The following TSNARE1 variants were observed in gnomAD, a reference collection of about 807,000 sequenced individuals.
TSNARE1 encodes t-SNARE domain-containing protein 1.
Under a neutral mutation model 62.0 loss-of-function variants are expected in TSNARE1, and 49 were observed. That is an observed-to-expected ratio of 0.79 (90% CI 0.63 to 1.00). The LOEUF is 1.00. Among genes scored for constraint, TSNARE1 ranks in the 50% least tolerant of loss-of-function variants. The probability of loss-of-function intolerance (pLI) is 0.00; values close to 1 mark genes in which losing one functional copy is unlikely to be tolerated. For missense variants in TSNARE1, 755 were observed against 700.1 expected (o/e 1.08, Z -0.88); for synonymous variants, 328 against 294.4 (o/e 1.11, Z -1.17).
chr8:142,237,898 C>T (rs1348253138), intron 12 of TSNARE1, among the ~76,000 whole-genome samples: 1 of 152,140 alleles, frequency 6.6e-6, no homozygotes, highest in Non-Finnish European at 1.5e-5. Context: ...CTTAGAGAAG[C>T]GTCGGGTTGG....
intron 4 of TSNARE1, among the ~76,000 whole-genome samples, chr8:142,334,503 G>A (rs923889532): frequency 6.6e-6 from 1 of 150,502 alleles, no homozygotes; most frequent in South Asian, 2.1e-4. Context: ...GCAGCAGGGG[G>A]GACGGGACAC....
At chr8:142,259,487 A>T (rs1454361381) in intron 12 of TSNARE1, among the ~76,000 whole-genome samples, 2 of 152,186 alleles carry the variant, frequency 1.3e-5, no homozygotes, top group Non-Finnish European at 2.9e-5. Context: ...ATTCACATTT[A>T]CATTTCTCAG....
chr8:142,334,380 G>A (rs1350895912), intron 4 of TSNARE1, among the ~76,000 whole-genome samples: 1 of 151,900 alleles, frequency 6.6e-6, no homozygotes, highest in Non-Finnish European at 1.5e-5. Context: ...AACAAGCTCT[G>A]ACAGGAGCAC....
intron 1 of TSNARE1, among the ~76,000 whole-genome samples, chr8:142,367,665 CG>C (rs953414597): frequency 2.0e-5 from 3 of 152,102 alleles, no homozygotes; most frequent in African/African-American, 7.2e-5. Context: ...CACTTCAAAA[CG>C]GTGAACTTTA....
chr8:142,350,905 A>C (rs575201682), intron 2 of TSNARE1, among the ~76,000 whole-genome samples: 1 of 152,344 alleles, frequency 6.6e-6, no homozygotes, highest in African/African-American at 2.4e-5. Flanking sequence ...GTAACACGGG[A>C]TCTCGGGAGG....
intron 13 of TSNARE1, among the ~76,000 whole-genome samples, chr8:142,220,099 TGCAGGGTAACAGTAAC>T (rs1220520125): frequency 6.6e-6 from 1 of 152,168 alleles, no homozygotes; most frequent in East Asian, 1.9e-4. Flanking sequence ...GCAGAGTGCC[TGCAGGGTAACAGTAAC>T]GCAGCCCGCA....
intron 12 of TSNARE1, among the ~76,000 whole-genome samples, chr8:142,257,703 G>A (rs560516531): frequency 3.9e-5 from 6 of 152,150 alleles, no homozygotes; most frequent in East Asian, 1.9e-4. Context: ...AAAGATCCCC[G>A]CGATGACCCA....
intron 1 of TSNARE1, among the ~76,000 whole-genome samples, chr8:142,391,069 G>C (rs1390805488): frequency 4.1e-5 from 6 of 145,834 alleles, no homozygotes; most frequent in Non-Finnish European, 7.5e-5. Flanking sequence ...GTACACTGCG[G>C]GGGACTCTAA....
intron 1 of TSNARE1, among the ~76,000 whole-genome samples, chr8:142,383,114 C>T (rs187409825): frequency 2.6e-5 from 4 of 152,144 alleles, no homozygotes; most frequent in East Asian, 3.9e-4. Flanking sequence ...AGAAGAGCCC[C>T]GTCATGCAGG....
intron 12 of TSNARE1, among the ~76,000 whole-genome samples, chr8:142,269,224 G>A (rs1819310046): frequency 1.3e-5 from 2 of 152,134 alleles, no homozygotes; most frequent in Non-Finnish European, 2.9e-5. Flanking sequence ...TCAGAATCAG[G>A]GCCAAGTCTG....
chr8:142,292,287 A>C (rs1823920107), intron 10 of TSNARE1, among the ~76,000 whole-genome samples: 1 of 152,218 alleles, frequency 6.6e-6, no homozygotes, highest in Non-Finnish European at 1.5e-5. Context: ...TCTGACCCAC[A>C]GAACCCACGA....
intron 6 of TSNARE1, among the ~76,000 whole-genome samples, chr8:142,328,667 A>G (rs1830582803): frequency 2.6e-5 from 4 of 152,216 alleles, no homozygotes; most frequent in Admixed American, 2.6e-4. Flanking sequence ...GCGCCAGCCC[A>G]CACACCATCT....
At chr8:142,267,627 C>T (rs988959003) in intron 12 of TSNARE1, among the ~76,000 whole-genome samples, 10 of 152,266 alleles carry the variant, frequency 6.6e-5, no homozygotes, top group South Asian at 4.1e-4. Context: ...TGAGGGGACC[C>T]GGGCTCTCTA....
chr8:142,218,156 G>A (rs1238993065), intron 13 of TSNARE1, among the ~76,000 whole-genome samples: 1 of 148,022 alleles, frequency 6.8e-6, no homozygotes, highest in African/African-American at 2.5e-5. Context: ...CTCAGTGTGT[G>A]GCCAGGGTCA....
intron 4 of TSNARE1, among the ~76,000 whole-genome samples, chr8:142,339,114 G>A (rs1033000686): frequency 2.6e-5 from 4 of 152,112 alleles, no homozygotes; most frequent in Non-Finnish European, 5.9e-5. Context: ...GCCCCACTCT[G>A]GGCCTCTGCA....
chr8:142,217,356 AAAGAAAGAAAGAAAGAAAAAAGG>A (rs1170236187), intron 13 of TSNARE1, among the ~76,000 whole-genome samples: 75 of 146,152 alleles, frequency 5.1e-4, no homozygotes, highest in Admixed American at 2.8e-3. Context: ...AGAAAGAAAG[AAAGAAAGAAAGAAAGAAAAAAGG>A]GAAAGAAAGA....
chr8:142,326,905 G>C (rs148384152), intron 6 of TSNARE1, among the ~76,000 whole-genome samples: 2 of 152,304 alleles, frequency 1.3e-5, no homozygotes, highest in African/African-American at 4.8e-5. Flanking sequence ...ATACAAATGA[G>C]ATCACCACAA....
intron 12 of TSNARE1, among the ~76,000 whole-genome samples, chr8:142,255,947 TC>T (rs1818486282): frequency 1.5e-4 from 1 of 6,602 alleles, no homozygotes; most frequent in Non-Finnish European, 3.6e-4. Context: ...ATCACCACCA[TC>T]ATCACCATCA....
intron 4 of TSNARE1, among the ~76,000 whole-genome samples, chr8:142,341,542 C>G (rs1017376894): frequency 6.6e-6 from 1 of 152,176 alleles, no homozygotes; most frequent in Non-Finnish European, 1.5e-5. Context: ...GCACCTGGGG[C>G]GCATCCAGAC....
Sources: gnomAD v4.1 joint callset for allele counts (sites outside exome capture counted in the v4.1 genomes callset) on GRCh38, gnomAD v4.1.1 for gene constraint, MANE v1.5 for transcripts, NCBI Gene and HGNC (gene_info 2026-07-23, HGNC 2026-07-21) for gene names.